ZBTB7C: variants seen among roughly 807,000 people sequenced by gnomAD.
ZBTB7C encodes the protein zinc finger and BTB domain containing 7C, also known as zinc finger and BTB domain-containing protein 7C.
ZBTB7C carries 8 observed loss-of-function variants against 25.7 expected under a neutral mutation model. That is an observed-to-expected ratio of 0.31 (90% CI 0.18 to 0.56). ZBTB7C has a LOEUF of 0.56. Among genes scored for constraint, ZBTB7C ranks in the 20% least tolerant of loss-of-function variants. ZBTB7C has a pLI of 0.91. For missense variants in ZBTB7C, 824 were observed against 855.2 expected (o/e 0.96, Z 0.46); for synonymous variants, 394 against 369.0 (o/e 1.07, Z -0.78).
intron 2 of ZBTB7C, among the ~76,000 whole-genome samples, chr18:48,273,699 T>G (rs954255981): frequency 6.6e-6 from 1 of 152,074 alleles, no homozygotes; most frequent in Non-Finnish European, 1.5e-5. Context: ...ATTGATTAAT[T>G]ATGGCTCATG....
At chr18:48,073,459 G>A (rs562528829) in intron 3 of ZBTB7C, among the ~76,000 whole-genome samples, 1 of 152,238 alleles carries the variant, frequency 6.6e-6, no homozygotes, top group African/African-American at 2.4e-5. Context: ...TTTATTTGTG[G>A]GCTTGGGTGT....
At chr18:48,396,615 G>A (rs1002308883) in intron 1 of ZBTB7C, among the ~76,000 whole-genome samples, 8 of 152,220 alleles carry the variant, frequency 5.3e-5, no homozygotes, top group African/African-American at 1.9e-4. Flanking sequence ...ACCGAAGGAA[G>A]CATATGCAAA....
chr18:48,159,896 G>A (rs1431549300), intron 3 of ZBTB7C, among the ~76,000 whole-genome samples: 2 of 152,204 alleles, frequency 1.3e-5, no homozygotes, highest in African/African-American at 4.8e-5. Flanking sequence ...TTCTGGATCT[G>A]TGGGGCTGTG....
chr18:48,122,834 C>G (rs2039675582), intron 3 of ZBTB7C, among the ~76,000 whole-genome samples: 1 of 152,172 alleles, frequency 6.6e-6, no homozygotes, highest in African/African-American at 2.4e-5. Flanking sequence ...AGCTGCTCAG[C>G]AAACGAATGA....
At chr18:48,043,236 G>A (rs1204589596) in intron 3 of ZBTB7C, among the ~76,000 whole-genome samples, 1 of 152,146 alleles carries the variant, frequency 6.6e-6, no homozygotes, top group African/African-American at 2.4e-5. Flanking sequence ...GAATTCTTGA[G>A]CATCTACCCC....
At chr18:48,151,465 C>T (rs1204724049) in intron 3 of ZBTB7C, among the ~76,000 whole-genome samples, 1 of 151,818 alleles carries the variant, frequency 6.6e-6, no homozygotes, top group African/African-American at 2.4e-5. Flanking sequence ...TAGGCTGACA[C>T]CTGCACTGTT....
At chr18:48,160,961 C>CG (rs146432150) in intron 3 of ZBTB7C, among the ~76,000 whole-genome samples, 3,816 of 146,078 alleles carry the variant, frequency 0.026, 116 homozygotes, top group African/African-American at 0.066. Context: ...TTTCCAGTGC[C>CG]GGGGGAGCAG....
intron 3 of ZBTB7C, among the ~76,000 whole-genome samples, chr18:48,122,675 T>C (rs2144728721): frequency 6.6e-6 from 1 of 152,208 alleles, no homozygotes; most frequent in South Asian, 2.1e-4. Context: ...AATGCAAGGG[T>C]TGGAGTTCAG....
rs1219052995 is a variant in ZBTB7C, at chr18:48,409,230, G to A, written c.-308C>T. The stretch of plus-strand genomic sequence containing the variant: ...CCGGCGCGCGAAGCCGCTCACCTCC[G>A]CGCGCCGCCGGCCCTGCGCGCCTCC... On this transcript the variant is annotated 5_prime_UTR_variant, in exon 1 of 5. Transcript: ENST00000590800. 6.7e-6 allele frequency: 1 copy of A among 149,318 alleles called. No homozygotes were observed. Among genetic ancestry groups the A allele is most frequent in the Non-Finnish European group, 1.5e-5 (1 of 67,052 alleles). The allele number at this position is 149,318 out of a possible 1,614,324, so 9.2% of individuals were successfully genotyped here. A position where few individuals can be genotyped will look rare whatever the true frequency, so the allele number is the denominator to read the frequency against.
intron 3 of ZBTB7C, among the ~76,000 whole-genome samples, chr18:48,115,494 T>C (rs1247478423): frequency 6.6e-6 from 1 of 152,164 alleles, no homozygotes; most frequent in African/African-American, 2.4e-5. Context: ...CGCCTCAGCC[T>C]CCCAAAGTGC....
At chr18:48,314,011 T>A (rs1318931289) in intron 2 of ZBTB7C, among the ~76,000 whole-genome samples, 1 of 152,160 alleles carries the variant, frequency 6.6e-6, no homozygotes, top group African/African-American at 2.4e-5. Context: ...GATAGCTCCC[T>A]GTCACCACCT....
chr18:48,408,354 A>G (rs528950355), intron 1 of ZBTB7C: 8 of 152,264 alleles, frequency 5.3e-5, no homozygotes, highest in Non-Finnish European at 7.3e-5. Context: ...AGAGACGTAC[A>G]CACCTTGAGA....
At chr18:48,204,325 C>T (rs2145215772) in intron 2 of ZBTB7C, among the ~76,000 whole-genome samples, 1 of 152,340 alleles carries the variant, frequency 6.6e-6, no homozygotes, top group Admixed American at 6.5e-5. Context: ...CCCCATTCCA[C>T]ACGGATCTTT....
chr18:48,167,450 G>A (rs1012000379), intron 3 of ZBTB7C, among the ~76,000 whole-genome samples: 2 of 152,148 alleles, frequency 1.3e-5, no homozygotes, highest in South Asian at 4.1e-4. Flanking sequence ...AATGCACCCT[G>A]AAAGCCTGTG....
At chr18:48,340,930 C>A (rs2046584869) in intron 1 of ZBTB7C, among the ~76,000 whole-genome samples, 1 of 152,210 alleles carries the variant, frequency 6.6e-6, no homozygotes, top group Non-Finnish European at 1.5e-5. Flanking sequence ...TTGACCTCTG[C>A]ACTCTGTCAC....
intron 2 of ZBTB7C, among the ~76,000 whole-genome samples, chr18:48,187,431 A>G (rs1039165143): frequency 6.6e-6 from 1 of 152,228 alleles, no homozygotes; most frequent in African/African-American, 2.4e-5. Flanking sequence ...CCAGGCCATT[A>G]TGCTAAGTGA....
intron 4 of ZBTB7C, among the ~76,000 whole-genome samples, chr18:48,034,622 C>T (rs923803677): frequency 6.6e-6 from 1 of 152,166 alleles, no homozygotes; most frequent in Admixed American, 6.5e-5. Flanking sequence ...CAACACACAA[C>T]ACTGAATGTA....
At chr18:48,177,328 G>T (rs1041234235) in intron 3 of ZBTB7C, among the ~76,000 whole-genome samples, 4 of 152,104 alleles carry the variant, frequency 2.6e-5, no homozygotes, top group African/African-American at 9.7e-5. Flanking sequence ...TTTCCTTTTG[G>T]CTGGCACTTC....
At chr18:48,032,742 G>GT (rs112652161) in intron 4 of ZBTB7C, among the ~76,000 whole-genome samples, 13 of 151,850 alleles carry the variant, frequency 8.6e-5, no homozygotes, top group South Asian at 2.1e-4. Flanking sequence ...GGCCAGGTAG[G>GT]TTTTTTTTAA....
Sources: gnomAD v4.1 joint callset for allele counts (sites outside exome capture counted in the v4.1 genomes callset) on GRCh38, gnomAD v4.1.1 for gene constraint, MANE v1.5 for transcripts, NCBI Gene and HGNC (gene_info 2026-07-23, HGNC 2026-07-21) for gene names.